The following JPH3 variants were observed in gnomAD, a reference collection of about 807,000 sequenced individuals.
The protein encoded by JPH3 is junctophilin 3.
JPH3 carries 11 observed loss-of-function variants against 59.6 expected under a neutral mutation model. The ratio of observed to expected loss-of-function variants is 0.18; its 90% CI spans 0.12 to 0.31. The LOEUF (loss-of-function observed/expected upper bound fraction) is 0.31, where lower values mean the gene tolerates loss of function less well. Ranked by LOEUF, JPH3 falls within the 10% of genes least tolerant of loss-of-function variation. JPH3 has a pLI of 1.00. For missense variants in JPH3, 1,202 were observed against 1,105.7 expected (o/e 1.09, Z -1.24); for synonymous variants, 673 against 483.6 (o/e 1.39, Z -5.14).
At chr16:87,662,462 G>A (rs1008199222) in intron 2 of JPH3, among the ~76,000 whole-genome samples, 18 of 152,102 alleles carry the variant, frequency 1.2e-4, no homozygotes, top group African/African-American at 4.3e-4. Flanking sequence ...AAGGGCCTGG[G>A]TTTATTTTGT....
chr16:87,695,231 CAT>C, intron 4 of JPH3: 1 of 441,352 alleles, frequency 2.3e-6, no homozygotes, highest in Non-Finnish European at 4.6e-6. Context: ...CCTGGTGCCA[CAT>C]GAGCTACTCA....
intron 2 of JPH3, among the ~76,000 whole-genome samples, chr16:87,659,792 G>C (rs2032642503): frequency 6.6e-6 from 1 of 152,078 alleles, no homozygotes; most frequent in Non-Finnish European, 1.5e-5. Flanking sequence ...CATTAAGCAT[G>C]TGGTGCAACC....
At chr16:87,683,081 T>G (rs552963108) in intron 2 of JPH3, among the ~76,000 whole-genome samples, 76 of 152,284 alleles carry the variant, frequency 5.0e-4, no homozygotes, top group South Asian at 1.0e-3. Context: ...CGGCGTCATC[T>G]TTCGGCTGGG....
chr16:87,623,414 A>C (rs77560494), intron 1 of JPH3, among the ~76,000 whole-genome samples: 1 of 152,152 alleles, frequency 6.6e-6, no homozygotes, highest in South Asian at 2.1e-4. Context: ...GGGTAACCCT[A>C]TCCTGGGATG....
At chr16:87,629,068 G>T (rs923247862) in intron 1 of JPH3, among the ~76,000 whole-genome samples, 1 of 151,310 alleles carries the variant, frequency 6.6e-6, no homozygotes, top group Non-Finnish European at 1.5e-5. Context: ...CTAACGCTGT[G>T]GGGGGGGCCC....
At chr16:87,675,119 C>G (rs1013637367) in intron 2 of JPH3, among the ~76,000 whole-genome samples, 1 of 152,060 alleles carries the variant, frequency 6.6e-6, no homozygotes, top group African/African-American at 2.4e-5. Flanking sequence ...AATAGCTAGG[C>G]AGTGGAAGGA....
chr16:87,682,259 G>A (rs1312530219), intron 2 of JPH3, among the ~76,000 whole-genome samples: 1 of 152,170 alleles, frequency 6.6e-6, no homozygotes, highest in Non-Finnish European at 1.5e-5. Flanking sequence ...TTAGCACAGT[G>A]GAATCTTGAA....
chr16:87,606,287 G>C (rs1472101076), intron 1 of JPH3, among the ~76,000 whole-genome samples: 2 of 152,264 alleles, frequency 1.3e-5, no homozygotes, highest in African/African-American at 2.4e-5. Context: ...CCTCAGCCCA[G>C]CTCTGGGCGC....
rs113626619 is a variant in JPH3 at position 87,646,953 on chromosome 16, C to T, written c.1160+1918C>T. Among the ~76,000 whole-genome samples the T allele has an allele frequency of 8.3e-3, 1,267 of 152,260 alleles. 22 individuals are homozygous for T. The highest frequency in any genetic ancestry group is 0.029 in the African/African-American group (1,198 of 41,534). On this transcript the variant is annotated intron_variant, in intron 2 of 4. Transcript: ENST00000284262. ...GAATTCCCCTAGACATTAAGAGAAG[C>T]GGGTTCCCATTAAGGAGCCCAGGTG...
chr16:87,635,745 T>G (rs2031719504), intron 1 of JPH3, among the ~76,000 whole-genome samples: 1 of 151,874 alleles, frequency 6.6e-6, no homozygotes, highest in Non-Finnish European at 1.5e-5. Flanking sequence ...ACGGGCAAGG[T>G]TTAGGGGGTT....
intron 1 of JPH3, among the ~76,000 whole-genome samples, chr16:87,616,778 G>C (rs990058111): frequency 6.6e-6 from 1 of 152,182 alleles, no homozygotes; most frequent in Non-Finnish European, 1.5e-5. Flanking sequence ...AGCCATACCC[G>C]CTGCCCTGGC....
chr16:87,690,072 C>A lies in JPH3; in HGVS notation c.1712C>A (p.Pro571Gln). The A allele has an allele frequency of 1.9e-6, 3 of 1,582,082 alleles. No homozygotes were observed. Among genetic ancestry groups the A allele is most frequent in the African/African-American group, 1.4e-5 (1 of 73,868 alleles). Residue 571 changes from proline (P) to glutamine (Q), a missense_variant, in exon 4 of 5, where the codon CCG becomes CAG. Pro to Gln is a moderately conservative substitution (Grantham distance 76). Transcript: ENST00000284262. ...CGCAAGCAGCCCGGGAACCCCAAGC[C>A]GCGGGAGCGGCGGACGGAGTCACCC... ...SGRKQPGNPKPRERRTESPPV... is the reference protein window; with the variant it reads ...SGRKQPGNPKQRERRTESPPV...
intron 2 of JPH3, among the ~76,000 whole-genome samples, chr16:87,652,782 T>G (rs1178465348): frequency 6.6e-6 from 1 of 152,262 alleles, no homozygotes; most frequent in Non-Finnish European, 1.5e-5. Flanking sequence ...GGTGTGCTGG[T>G]TGTCAGCTGA....
chr16:87,610,315 G>C (rs928930447), intron 1 of JPH3, among the ~76,000 whole-genome samples: 3 of 152,184 alleles, frequency 2.0e-5, no homozygotes, highest in Non-Finnish European at 4.4e-5. Context: ...AGCCACCTGG[G>C]ACTAGTCGCC....
intron 2 of JPH3, among the ~76,000 whole-genome samples, chr16:87,676,205 C>T (rs971292541): frequency 4.6e-5 from 7 of 152,190 alleles, no homozygotes; most frequent in Non-Finnish European, 8.8e-5. Flanking sequence ...TTGTATCAGC[C>T]GTCTTCTCAA....
At chr16:87,615,150 G>T (rs891377647) in intron 1 of JPH3, among the ~76,000 whole-genome samples, 2 of 152,274 alleles carry the variant, frequency 1.3e-5, no homozygotes, top group Admixed American at 6.5e-5. Flanking sequence ...GGGTTCACAG[G>T]TTCCCGGGGA....
chr16:87,653,336 G>GCTCTGCT (rs770188136), intron 2 of JPH3, among the ~76,000 whole-genome samples: 2 of 152,280 alleles, frequency 1.3e-5, no homozygotes, highest in Middle Eastern at 3.4e-3. Flanking sequence ...GCCTGTCCCC[G>GCTCTGCT]CTCTGCTCTC....
chr16:87,658,250 G>A (rs1247913081), intron 2 of JPH3, among the ~76,000 whole-genome samples: 1 of 152,182 alleles, frequency 6.6e-6, no homozygotes, highest in African/African-American at 2.4e-5. Flanking sequence ...CACGGCATTT[G>A]CACCCCAGCT....
At chr16:87,617,115 T>C (rs988478493) in intron 1 of JPH3, among the ~76,000 whole-genome samples, 1 of 147,662 alleles carries the variant, frequency 6.8e-6, no homozygotes, top group Non-Finnish European at 1.5e-5. Context: ...TCACAGCTAC[T>C]CGGAGGCTGA....
Sources: gnomAD v4.1 joint callset for allele counts (sites outside exome capture counted in the v4.1 genomes callset) on GRCh38, gnomAD v4.1.1 for gene constraint, MANE v1.5 for transcripts, NCBI Gene and HGNC (gene_info 2026-07-23, HGNC 2026-07-21) for gene names.